The following IL34 variants were observed in gnomAD, a reference collection of about 807,000 sequenced individuals.
IL34 encodes the protein interleukin 34.
Under a neutral mutation model 25.3 loss-of-function variants are expected in IL34, and 17 were observed. The ratio of observed to expected loss-of-function variants is 0.67; its 90% CI spans 0.46 to 1.01. The LOEUF (loss-of-function observed/expected upper bound fraction) is 1.01, where lower values mean the gene tolerates loss of function less well. Among genes scored for constraint, IL34 ranks in the 50% least tolerant of loss-of-function variants. The probability of loss-of-function intolerance (pLI) is 0.00; values close to 1 mark genes in which losing one functional copy is unlikely to be tolerated. For synonymous variants in IL34, 174 were observed against 140.9 expected (o/e 1.23, Z -1.66); for missense variants, 368 against 312.9 (o/e 1.18, Z -1.33).
At chr16:70,641,820 A>C (rs1433990005), upstream of IL34, among the ~76,000 whole-genome samples, 1 of 151,812 alleles carries the variant, frequency 6.6e-6, no homozygotes. Context: ...ACCCCCCCGC[A>C]ACCTCCCAAA....
chr16:70,593,092 G>T (rs1472593931), intron 1 of IL34, among the ~76,000 whole-genome samples: 1 of 152,106 alleles, frequency 6.6e-6, no homozygotes, highest in East Asian at 1.9e-4. Flanking sequence ...CCCCTAAAGT[G>T]CTGGGATTAC....
intron 1 of IL34, among the ~76,000 whole-genome samples, chr16:70,649,967 T>C (rs894332525): frequency 6.6e-5 from 10 of 152,014 alleles, no homozygotes; most frequent in African/African-American, 2.2e-4. Flanking sequence ...CCTGGCTAAT[T>C]TTTGTATTTT....
At chr16:70,622,004 G>T (rs576850579) in intron 1 of IL34, among the ~76,000 whole-genome samples, 14 of 152,158 alleles carry the variant, frequency 9.2e-5, no homozygotes, top group South Asian at 2.1e-4. Context: ...CCATCTGGGC[G>T]TATATACGTG....
intron 4 of IL34, among the ~76,000 whole-genome samples, chr16:70,657,591 A>G (rs909164656): frequency 1.3e-5 from 2 of 152,042 alleles, no homozygotes; most frequent in African/African-American, 2.4e-5. Flanking sequence ...GCCTGGCCAA[A>G]TGGTGAAACC....
upstream of IL34, among the ~76,000 whole-genome samples, chr16:70,643,920 T>A (rs999008749): frequency 6.6e-6 from 1 of 152,112 alleles, no homozygotes; most frequent in African/African-American, 2.4e-5. Context: ...CTTTAAAATA[T>A]TCCTGGAAAA....
At chr16:70,620,408 A>C (rs1482164793) in intron 1 of IL34, among the ~76,000 whole-genome samples, 2 of 151,780 alleles carry the variant, frequency 1.3e-5, no homozygotes, top group African/African-American at 2.4e-5. Flanking sequence ...TAGTCACGCA[A>C]CGAAACTGTA....
chr16:70,629,816 A>G (rs886090332), intron 1 of IL34, among the ~76,000 whole-genome samples: 3 of 152,152 alleles, frequency 2.0e-5, no homozygotes, highest in Admixed American at 6.6e-5. Flanking sequence ...ATGAGTGTAC[A>G]TGGGGTCTCC....
intron 4 of IL34, among the ~76,000 whole-genome samples, 183 bp from the exon 5 acceptor site, chr16:70,659,435 C>T (rs1363996826): frequency 1.3e-5 from 2 of 152,216 alleles, no homozygotes; most frequent in Non-Finnish European, 2.9e-5. Flanking sequence ...GTGGTGGCAT[C>T]TGGGACCCTC....
rs533578139 is a variant in IL34, at chr16:70,659,939, G to T, written c.539-58G>T. ...ACAAGCACATGCGGCTTGGCTTAGT[G>T]GGGAGGGTGGTCTTGAACACTGCTG... On this transcript the variant is annotated intron_variant, in intron 5 of 5. Coordinates refer to ENST00000288098, the MANE Select transcript of IL34 (RefSeq NM_001393494.1). The T allele has an allele frequency of 1.8e-4, 273 of 1,512,090 alleles. No homozygotes were observed. The African/African-American group carries it at 2.0e-3, about 11-fold the overall frequency. 93.7% of individuals were successfully genotyped at this position (1,512,090 alleles called of 1,614,324 possible).
At chr16:70,658,264 C>T (rs1030101723) in intron 4 of IL34, among the ~76,000 whole-genome samples, 1 of 152,238 alleles carries the variant, frequency 6.6e-6, no homozygotes, top group African/African-American at 2.4e-5. Flanking sequence ...GGTGGGGAGG[C>T]TGTCAATTCC....
At chr16:70,620,325 G>T (rs992648174) in intron 1 of IL34, among the ~76,000 whole-genome samples, 66 of 152,260 alleles carry the variant, frequency 4.3e-4, no homozygotes, top group African/African-American at 1.0e-3. Context: ...AGAAAAAGGA[G>T]CATTCACCTT....
chr16:70,617,602 G>A (rs2051193267), intron 1 of IL34, among the ~76,000 whole-genome samples: 1 of 152,166 alleles, frequency 6.6e-6, no homozygotes, highest in Non-Finnish European at 1.5e-5. Flanking sequence ...TCCGAAGACA[G>A]GCCTGAATTC....
chr16:70,600,230 C>T (rs949476832), intron 1 of IL34, among the ~76,000 whole-genome samples: 1 of 152,138 alleles, frequency 6.6e-6, no homozygotes, highest in African/African-American at 2.4e-5. Context: ...CCTCTCTACC[C>T]CCTGCCACAA....
At chr16:70,656,891 T>A (rs904356909) in intron 3 of IL34, 69 bp from the exon 4 acceptor site, 9 of 1,519,468 alleles carry the variant, frequency 5.9e-6, no homozygotes, top group Non-Finnish European at 8.1e-6. Context: ...GGCAAGTCCC[T>A]GGTGAGGGAG....
upstream of IL34, among the ~76,000 whole-genome samples, chr16:70,642,047 C>A (rs1338680743): frequency 6.6e-6 from 1 of 152,072 alleles, no homozygotes; most frequent in Non-Finnish European, 1.5e-5. Context: ...CCTGGCCTTC[C>A]ATAAAAAAAT....
intron 1 of IL34, among the ~76,000 whole-genome samples, chr16:70,623,801 G>A (rs1195041938): frequency 2.7e-5 from 4 of 149,598 alleles, no homozygotes; most frequent in African/African-American, 1.0e-4. Context: ...ATAACTAAAA[G>A]GAGTGCTTAA....
chr16:70,640,105 C>A (rs918551121), intron 1 of IL34, among the ~76,000 whole-genome samples: 17 of 152,104 alleles, frequency 1.1e-4, no homozygotes, highest in African/African-American at 4.1e-4. Flanking sequence ...GTATTAGGTA[C>A]TGTACATAAT....
At chr16:70,611,540 G>C (rs1567443911) in intron 1 of IL34, among the ~76,000 whole-genome samples, 1 of 152,144 alleles carries the variant, frequency 6.6e-6, no homozygotes, top group Non-Finnish European at 1.5e-5. Flanking sequence ...TGTAATCCCA[G>C]CTCTTTGGGA....
intron 1 of IL34, among the ~76,000 whole-genome samples, chr16:70,595,885 C>T (rs549107611): frequency 2.0e-5 from 3 of 151,898 alleles, no homozygotes; most frequent in South Asian, 2.1e-4. Context: ...GTGGTGTGCA[C>T]CTGTAGTCTC....
Sources: gnomAD v4.1 joint callset for allele counts (sites outside exome capture counted in the v4.1 genomes callset) on GRCh38, gnomAD v4.1.1 for gene constraint, MANE v1.5 for transcripts, NCBI Gene and HGNC (gene_info 2026-07-23, HGNC 2026-07-21) for gene names.